SLC2A10: variants seen among roughly 807,000 people sequenced by gnomAD.
SLC2A10 encodes solute carrier family 2 member 10.
In SLC2A10, 25 loss-of-function variants were observed where a neutral mutation model predicts 32.1. The ratio of observed to expected loss-of-function variants is 0.78; its 90% CI spans 0.57 to 1.09. The LOEUF (loss-of-function observed/expected upper bound fraction) is 1.09. SLC2A10 is among the 50% of genes least tolerant of loss of function. The pLI is 0.00. For synonymous variants in SLC2A10, 332 were observed against 309.6 expected (o/e 1.07, Z -0.76); for missense variants, 673 against 686.5 (o/e 0.98, Z 0.22).
intron 1 of SLC2A10, among the ~76,000 whole-genome samples, chr20:46,719,147 GTT>G (rs911548074): frequency 4.1e-5 from 6 of 146,312 alleles, no homozygotes; most frequent in African/African-American, 1.5e-4. Context: ...GTTACTGGTT[GTT>G]TTTTTTTTCT....
Position 46,726,056 on chromosome 20 carries a change from C to A in SLC2A10, c.1020C>A (p.Gly340=). Residue 340 remains glycine, a synonymous_variant, in exon 2 of 5, where the codon GGC becomes GGA. Transcript: ENST00000359271. ...LAVPNATGQT[G]LPGDSGLLQD... is the part of the protein sequence containing the mutation. ...TGCCCAATGCCACCGGGCAGACAGGCCTCCCTGGAGACTCTGGCCTGCTGC... is the reference window on the plus strand; with the variant it reads ...TGCCCAATGCCACCGGGCAGACAGGACTCCCTGGAGACTCTGGCCTGCTGC... The A allele has an allele frequency of 6.2e-7, 1 of 1,614,192 alleles. No homozygotes were observed. Among genetic ancestry groups the A allele is most frequent in the Non-Finnish European group, 8.5e-7 (1 of 1,180,046 alleles).
chr20:46,721,806 T>C (rs991609695), intron 1 of SLC2A10, among the ~76,000 whole-genome samples: 4 of 152,254 alleles, frequency 2.6e-5, no homozygotes, highest in Non-Finnish European at 2.9e-5. Context: ...TTCTTGTCTA[T>C]GTATAGCAAT....
intron 4 of SLC2A10, 137 bp downstream of exon 4, chr20:46,729,625 G>GTTTTTTTTTTTTTTTTTTTTTTT (rs68037732): frequency 3.9e-6 from 1 of 257,286 alleles, no homozygotes; most frequent in African/African-American, 4.3e-5. Flanking sequence ...GGCACTATGA[G>GTTTTTTTTTTTTTTTTTTTTTTT]TTTTTTTTTT....
chr20:46,733,728 C>A lies in SLC2A10; in HGVS notation c.1548-28C>A, dbSNP rs202054702. The stretch of plus-strand genomic sequence containing the variant: ...GGACGGCCCCAGGCCCTGCCACCCC[C>A]TGATCCCACGCATTCTTTGTCTGAC... On this transcript the variant is annotated intron_variant, in intron 4 of 4. Transcript: ENST00000359271. 1.2e-4 allele frequency: 195 copies of A among 1,608,374 alleles called. No homozygotes were observed. The African/African-American group carries it at 2.3e-3, about 19-fold the overall frequency.
chr20:46,719,975 C>G (rs1468845807), intron 1 of SLC2A10, among the ~76,000 whole-genome samples: 1 of 152,218 alleles, frequency 6.6e-6, no homozygotes, highest in Non-Finnish European at 1.5e-5. Flanking sequence ...CAGGCCTTTT[C>G]AGTCCTAGTC....
intron 1 of SLC2A10, among the ~76,000 whole-genome samples, chr20:46,715,362 T>C (rs1271786737): frequency 6.6e-6 from 1 of 152,172 alleles, no homozygotes; most frequent in African/African-American, 2.4e-5. Flanking sequence ...TGGGTTCCCT[T>C]TCGCTGCAAG....
intron 1 of SLC2A10, among the ~76,000 whole-genome samples, chr20:46,713,026 T>C (rs1486915959): frequency 6.6e-6 from 1 of 152,110 alleles, no homozygotes; most frequent in African/African-American, 2.4e-5. Flanking sequence ...CCCTGGACCT[T>C]TCAGATGTTC....
intron 3 of SLC2A10, among the ~76,000 whole-genome samples, chr20:46,728,260 C>A (rs1057189952): frequency 8.5e-5 from 13 of 152,160 alleles, no homozygotes; most frequent in African/African-American, 3.1e-4. Flanking sequence ...TCCCTGCTGG[C>A]GATAGGTCCA....
chr20:46,714,218 T>C (rs1979092488), intron 1 of SLC2A10, among the ~76,000 whole-genome samples: 1 of 152,096 alleles, frequency 6.6e-6, no homozygotes, highest in African/African-American at 2.4e-5. Flanking sequence ...AAACACCAGC[T>C]TGGCACCCCT....
chr20:46,715,747 A>G (rs1390678128), intron 1 of SLC2A10, among the ~76,000 whole-genome samples: 2 of 152,236 alleles, frequency 1.3e-5, no homozygotes, highest in East Asian at 1.9e-4. Context: ...CATTTCACCA[A>G]GGTTTTATAA....
In SLC2A10 at chr20:46,729,644, T is replaced by G. The variant is rs1244723248; in HGVS notation, c.1547+156T>G. ...CTATGAGTTTTTTTTTTTTTTTTTT[T>G]TTTTTTTTTTTTTTTGAGATGGAGT... is the stretch of plus-strand genomic sequence containing the variant. On this transcript the variant is annotated intron_variant, in intron 4 of 4. Transcript: ENST00000359271. 6.4e-3 allele frequency among the ~76,000 whole-genome samples: 490 copies of G among 76,052 alleles called. 9 individuals carry two copies. The highest frequency in any genetic ancestry group is 0.019 in the African/African-American group (467 of 25,090). The allele number at this position is 76,052 out of a possible 152,430, so 49.9% of individuals were successfully genotyped here.
Position 46,729,487 on chromosome 20 carries a change from C to G in SLC2A10, c.1546C>G (p.Arg516Gly). The G allele has an allele frequency of 6.2e-7, 1 of 1,613,868 alleles. No individual in the cohort carries two copies. Among genetic ancestry groups the G allele is most frequent in the Non-Finnish European group, 8.5e-7 (1 of 1,179,862 alleles). Residue 516 changes from arginine to glycine, a missense_variant and splice_region_variant, in exon 4 of 5, where the codon CGG (arginine) becomes GGG (glycine). Arg to Gly is a moderately radical substitution (Grantham distance 125). Transcript: ENST00000359271. Reference sequence around the variant, plus strand: ...GATAGACCAGCAGTTCCAGAAGAGACGGTAGGAAGCTGACAGGGTGGGTCT... The same window carrying G: ...GATAGACCAGCAGTTCCAGAAGAGAGGGTAGGAAGCTGACAGGGTGGGTCT... ...AEIDQQFQKRRFTLSFGHRQN... is the reference protein window; with the variant it reads ...AEIDQQFQKRGFTLSFGHRQN...
At chr20:46,727,154 C>T (rs1980020280) in intron 3 of SLC2A10, among the ~76,000 whole-genome samples, 168 bp downstream of exon 3, 1 of 146,488 alleles carries the variant, frequency 6.8e-6, no homozygotes, top group Non-Finnish European at 1.6e-5. Flanking sequence ...CACTGTAAAA[C>T]TCCCCAGGCC....
intron 3 of SLC2A10, among the ~76,000 whole-genome samples, chr20:46,729,050 C>T (rs1399453828): frequency 6.6e-6 from 1 of 152,098 alleles, no homozygotes; most frequent in African/African-American, 2.4e-5. Context: ...GGAGCCCAAG[C>T]GTGCTCCACG....
intron 1 of SLC2A10, among the ~76,000 whole-genome samples, chr20:46,717,562 T>A (rs1979323255): frequency 6.6e-6 from 1 of 152,128 alleles, no homozygotes; most frequent in Admixed American, 6.5e-5. Context: ...ATTTTTGTAT[T>A]TTTAGTAGAG....
chr20:46,708,982 C>T (rs1268837593), upstream of SLC2A10, among the ~76,000 whole-genome samples: 1 of 152,246 alleles, frequency 6.6e-6, no homozygotes, highest in Non-Finnish European at 1.5e-5. Context: ...AACCCACCAC[C>T]GTAGTTTAAC....
In SLC2A10 at chr20:46,725,855, T is replaced by C. The variant is rs2123048078; in HGVS notation, c.819T>C (p.Ser273=). The change falls in exon 2 of 5, where the codon TCT becomes TCC. Residue 273 remains serine (S), a synonymous_variant. Coordinates refer to ENST00000359271, the MANE Select transcript of SLC2A10 (RefSeq NM_030777.4). ...FHGGSSAVLA[S]VGLGAVKVAA... The stretch of plus-strand genomic sequence containing the variant: ...GGGGATCCTCAGCCGTGCTGGCCTC[T>C]GTGGGGCTTGGCGCAGTGAAGGTGG... The C allele has an allele frequency of 1.9e-6, 3 of 1,614,258 alleles. No individual in the cohort carries two copies. Among genetic ancestry groups the C allele is most frequent in the Non-Finnish European group, 2.5e-6 (3 of 1,180,042 alleles).
intron 1 of SLC2A10, among the ~76,000 whole-genome samples, chr20:46,712,080 A>G (rs1487947720): frequency 1.3e-5 from 2 of 152,176 alleles, no homozygotes; most frequent in Non-Finnish European, 2.9e-5. Context: ...AATGGGAATG[A>G]CAATAGTGAT....
chr20:46,727,468 C>T (rs1397876387), intron 3 of SLC2A10, among the ~76,000 whole-genome samples: 1 of 152,038 alleles, frequency 6.6e-6, no homozygotes, highest in Non-Finnish European at 1.5e-5. Context: ...CTACAGGCAC[C>T]CGCCACCACG....
Sources: gnomAD v4.1 joint callset for allele counts (sites outside exome capture counted in the v4.1 genomes callset) on GRCh38, gnomAD v4.1.1 for gene constraint, MANE v1.5 for transcripts, NCBI Gene and HGNC (gene_info 2026-07-23, HGNC 2026-07-21) for gene names.